The following UGT1A7 variants were observed in gnomAD, a reference collection of about 807,000 sequenced individuals.
UGT1A7 encodes the protein UDP-glucuronosyltransferase 1A7.
Under a neutral mutation model 45.6 loss-of-function variants are expected in UGT1A7, and 33 were observed. The ratio of observed to expected loss-of-function variants is 0.72; its 90% CI spans 0.55 to 0.97. The LOEUF (loss-of-function observed/expected upper bound fraction) is 0.97. Among genes scored for constraint, UGT1A7 ranks in the 50% least tolerant of loss-of-function variants. The pLI, the probability that UGT1A7 is intolerant of heterozygous loss-of-function variation, is 0.00. For missense variants in UGT1A7, 684 were observed against 666.2 expected (o/e 1.03, Z -0.29); for synonymous variants, 274 against 250.6 (o/e 1.09, Z -0.88).
At position 233,757,558 on chromosome 2, in the gene UGT1A7, A is replaced by G. The variant is rs1013342289; in HGVS notation, c.856-9476A>G. ...GGAATATATATATATATATATATAT[A>G]TATGTATATATGATATAGCTATAGT... On this transcript the variant is annotated intron_variant, in intron 1 of 4. Transcript: ENST00000373426. Among the ~76,000 whole-genome samples the G allele has an allele frequency of 6.8e-4, 85 of 124,456 alleles. 2 individuals carry two copies. Among genetic ancestry groups the G allele is most frequent in the Admixed American group, 2.1e-3 (27 of 12,944 alleles). 81.6% of individuals were successfully genotyped at this position (124,456 alleles called of 152,430 possible).
chr2:233,724,704 C>G (rs867669613), intron 1 of UGT1A7, among the ~76,000 whole-genome samples: 3 of 144,994 alleles, frequency 2.1e-5, no homozygotes, highest in Non-Finnish European at 3.0e-5. Flanking sequence ...AGACGCTCCT[C>G]GCTTTCCAGA....
intron 1 of UGT1A7, chr2:233,754,567 T>C (rs1377287717): frequency 5.0e-6 from 2 of 402,366 alleles, no homozygotes; most frequent in African/African-American, 4.2e-5. Flanking sequence ...GGGGAGCAAC[T>C]GCTCTATGCC....
At position 233,764,188 on chromosome 2, in the gene UGT1A7, A is replaced by G. The variant is rs1395608589; in HGVS notation, c.856-2846A>G. ...TCAGAACAGGGAAATTCTCTCATTCAGGGGCATCTCATCTTTTCTTTGAAG... is the reference window on the plus strand; with the variant it reads ...TCAGAACAGGGAAATTCTCTCATTCGGGGGCATCTCATCTTTTCTTTGAAG... On this transcript the variant is annotated intron_variant, in intron 1 of 4. Transcript: ENST00000373426. Among the ~76,000 whole-genome samples, 3 of 152,296 alleles carry G rather than the reference A, an allele frequency of 2.0e-5. No individual in the cohort carries two copies. The East Asian group carries it at 5.8e-4, about 29-fold the overall frequency.
intron 1 of UGT1A7, among the ~76,000 whole-genome samples, chr2:233,741,312 A>G (rs536876139): frequency 2.0e-5 from 3 of 151,548 alleles, no homozygotes; most frequent in African/African-American, 4.9e-5. Context: ...ATACACACCA[A>G]CTCATTCTAC....
chr2:233,713,194 A>G (rs1296719846), intron 1 of UGT1A7: 3 of 1,614,210 alleles, frequency 1.9e-6, no homozygotes, highest in South Asian at 1.1e-5. Flanking sequence ...GTGAATATGT[A>G]CATCAAAGAA....
intron 1 of UGT1A7, among the ~76,000 whole-genome samples, chr2:233,728,589 C>T (rs2077730663): frequency 1.3e-5 from 2 of 152,316 alleles, no homozygotes; most frequent in South Asian, 2.1e-4. Context: ...ACGACCAAAA[C>T]CACATAGCCA....
chr2:233,750,101 C>T (rs1348616691), intron 1 of UGT1A7, among the ~76,000 whole-genome samples: 1 of 151,822 alleles, frequency 6.6e-6, no homozygotes, highest in Non-Finnish European at 1.5e-5. Flanking sequence ...TTGGAGAGCT[C>T]AGAAGAAGAC....
rs1378719949 is a variant in UGT1A7, at chr2:233,755,434, G to A, written c.856-11600G>A. 1.3e-5 allele frequency: 4 copies of A among 316,454 alleles called. No homozygotes were observed. In the East Asian group the frequency reaches 3.3e-4, roughly 26 times the overall value. The allele number at this position is 316,454 out of a possible 1,614,324, so 19.6% of individuals were successfully genotyped here. A position where few individuals can be genotyped will look rare whatever the true frequency, so the allele number is the denominator to read the frequency against. ...GGCCTGTGAGCGCCTCGCATCCCAA[G>A]ATGCAGTGCTCCTGGGACTGGCCCT... On this transcript the variant is annotated intron_variant, in intron 1 of 4. Coordinates refer to ENST00000373426, the MANE Select transcript of UGT1A7 (RefSeq NM_019077.3).
At chr2:233,717,438 C>T (rs998007797) in intron 1 of UGT1A7, among the ~76,000 whole-genome samples, 4 of 152,192 alleles carry the variant, frequency 2.6e-5, no homozygotes, top group African/African-American at 7.2e-5. Context: ...CTCTGATGGA[C>T]GCATCCATTC....
intron 1 of UGT1A7, chr2:233,741,585 C>T (rs370534544): frequency 1.3e-5 from 2 of 151,864 alleles, no homozygotes; most frequent in South Asian, 2.1e-4. Flanking sequence ...CCAGGCACCT[C>T]GGAGCATGTT....
chr2:233,759,584 C>G (rs1003659930), intron 1 of UGT1A7, among the ~76,000 whole-genome samples: 4 of 149,800 alleles, frequency 2.7e-5, no homozygotes, highest in African/African-American at 9.9e-5. Flanking sequence ...TACCCCAGCA[C>G]GCCCCCCACC....
chr2:233,719,821 T>G (rs2076806401), intron 1 of UGT1A7: 5 of 1,570,050 alleles, frequency 3.2e-6, no homozygotes, highest in Middle Eastern at 4.6e-4. Flanking sequence ...ACAGATAAAC[T>G]GTTGAGGGGC....
chr2:233,758,018 G>A (rs1394383071), intron 1 of UGT1A7, among the ~76,000 whole-genome samples: 1 of 152,092 alleles, frequency 6.6e-6, no homozygotes, highest in African/African-American at 2.4e-5. Context: ...GTTTGTCTCT[G>A]TCTACCTGAC....
At chr2:233,711,625 C>T (rs1317772473) in intron 1 of UGT1A7, among the ~76,000 whole-genome samples, 1 of 152,184 alleles carries the variant, frequency 6.6e-6, no homozygotes, top group Non-Finnish European at 1.5e-5. Context: ...CAGCTCCATT[C>T]GCTGCCTGTC....
intron 1 of UGT1A7, among the ~76,000 whole-genome samples, chr2:233,683,654 G>C (rs1360052208): frequency 6.6e-6 from 1 of 151,956 alleles, no homozygotes; most frequent in African/African-American, 2.4e-5. Flanking sequence ...CTTTATAAAA[G>C]TATTTCATCT....
At chr2:233,763,481 G>T (rs1698320129) in intron 1 of UGT1A7, among the ~76,000 whole-genome samples, 1 of 152,170 alleles carries the variant, frequency 6.6e-6, no homozygotes, top group Non-Finnish European at 1.5e-5. Context: ...AGATTTGATT[G>T]TAACTCTCTC....
At chr2:233,768,582 CTTT>C (rs139595073) in intron 4 of UGT1A7, 143 bp downstream of exon 4, 59,155 of 999,984 alleles carry the variant, frequency 0.059, 10 homozygotes, top group East Asian at 0.12. Flanking sequence ...TTTATTTCTT[CTTT>C]TTTTTTTTTT....
Position 233,729,550 on chromosome 2 carries a change from A to C in UGT1A7, c.856-37484A>C, listed in dbSNP as rs780321158. On this transcript the variant is annotated intron_variant, in intron 1 of 4. Transcript: ENST00000373426. ...TAATGAGGCCCTGATCAGGCACCTG[A>C]ATGCTACTTCCTTTGATGTGGTTTT... 8 of 1,614,098 alleles carry C rather than the reference A, an allele frequency of 5.0e-6. No homozygotes were observed. Among genetic ancestry groups the C allele is most frequent in the African/African-American group, 1.3e-5 (1 of 75,014 alleles).
At position 233,711,263 on chromosome 2, in the gene UGT1A7, C is replaced by G. The variant is rs570843140; in HGVS notation, c.855+28471C>G. 3.9e-5 allele frequency among the ~76,000 whole-genome samples: 6 copies of G among 152,310 alleles called. No homozygotes were observed. In the East Asian group the frequency reaches 1.2e-3, roughly 29 times the overall value. On this transcript the variant is annotated intron_variant, in intron 1 of 4. Transcript: ENST00000373426. ...CATCTTCCAAGATACATGGGCCTCC[C>G]CAGGGTCTAGGAGTCCTAGACGTGG... is the stretch of plus-strand genomic sequence containing the variant.
Sources: allele counts gnomAD v4.1 joint callset (sites outside exome capture counted in the v4.1 genomes callset), GRCh38; gene constraint gnomAD v4.1.1; transcripts MANE v1.5; gene names NCBI Gene and HGNC (gene_info 2026-07-23, HGNC 2026-07-21).